Variants in PTPRN2 observed in about 807,000 individuals in gnomAD.
PTPRN2 encodes the protein protein tyrosine phosphatase receptor type N2.
PTPRN2 carries 74 observed loss-of-function variants against 118.8 expected under a neutral mutation model. The observed-to-expected ratio is 0.62, with a 90% CI of 0.52 to 0.76. PTPRN2 has a LOEUF of 0.76. Ranked by LOEUF, PTPRN2 falls within the 30% of genes least tolerant of loss-of-function variation. The probability of loss-of-function intolerance (pLI) is 0.00; values close to 1 mark genes in which losing one functional copy is unlikely to be tolerated. For missense variants in PTPRN2, 1,481 were observed against 1,394.4 expected (o/e 1.06, Z -0.99); for synonymous variants, 641 against 608.0 (o/e 1.05, Z -0.80).
intron 12 of PTPRN2, among the ~76,000 whole-genome samples, chr7:157,711,928 C>A (rs1400837729): frequency 1.2e-5 from 1 of 84,570 alleles, no homozygotes; most frequent in Non-Finnish European, 2.8e-5. Flanking sequence ...CCATGCAGGC[C>A]ACATGAGTGG....
intron 12 of PTPRN2, among the ~76,000 whole-genome samples, chr7:157,688,533 C>A (rs1366843509): frequency 1.3e-5 from 2 of 152,246 alleles, no homozygotes; most frequent in African/African-American, 2.4e-5. Context: ...ACTTAAGGCA[C>A]CGGCTCCTGA....
At chr7:158,366,481 G>A (rs901403475) in intron 2 of PTPRN2, among the ~76,000 whole-genome samples, 3 of 152,194 alleles carry the variant, frequency 2.0e-5, no homozygotes, top group Non-Finnish European at 4.4e-5. Context: ...CCTGGGAGAA[G>A]CTGCAGCACA....
intron 11 of PTPRN2, among the ~76,000 whole-genome samples, chr7:157,928,178 C>A (rs1246341840): frequency 6.6e-6 from 1 of 152,218 alleles, no homozygotes; most frequent in Non-Finnish European, 1.5e-5. Context: ...GAGGCCCACC[C>A]AAGACCGTAA....
chr7:158,334,616 G>T (rs1173958540), intron 2 of PTPRN2, among the ~76,000 whole-genome samples: 5 of 82,266 alleles, frequency 6.1e-5, no homozygotes, highest in African/African-American at 2.6e-4. Context: ...AAGAGCCGAC[G>T]CCCGCAGACG....
At chr7:158,573,467 G>A (rs139853524) in intron 1 of PTPRN2, among the ~76,000 whole-genome samples, 16 of 152,214 alleles carry the variant, frequency 1.1e-4, no homozygotes, top group East Asian at 1.9e-4. Context: ...AGCTAGAAGC[G>A]GTCTGGAGGA....
intron 11 of PTPRN2, among the ~76,000 whole-genome samples, chr7:158,007,965 G>T (rs1805761918): frequency 6.7e-6 from 1 of 149,868 alleles, no homozygotes; most frequent in Non-Finnish European, 1.5e-5. Context: ...TGGGTGTGTA[G>T]GTGGGTGTGC....
intron 2 of PTPRN2, among the ~76,000 whole-genome samples, chr7:158,365,034 A>C (rs943979328): frequency 6.6e-6 from 1 of 152,234 alleles, no homozygotes; most frequent in Middle Eastern, 3.4e-3. Context: ...TCATACAGAC[A>C]CACACGTTCT....
At chr7:158,304,893 G>T (rs1801169526) in intron 3 of PTPRN2, among the ~76,000 whole-genome samples, 1 of 152,196 alleles carries the variant, frequency 6.6e-6, no homozygotes, top group Non-Finnish European at 1.5e-5. Flanking sequence ...AAGGAAAAGG[G>T]ATTCTCTACA....
In PTPRN2 at chr7:158,057,872, C is replaced by A. The variant is rs79855297; in HGVS notation, c.1723+23426G>T. On this transcript the variant is annotated intron_variant, in intron 11 of 22. Transcript: ENST00000389418. ...CAAAAGCTTCCCAAGGAACACGGGCCGTGAAGGAGTTAAAGTCCTCAGGTC... is the reference window on the plus strand; with the variant it reads ...CAAAAGCTTCCCAAGGAACACGGGCAGTGAAGGAGTTAAAGTCCTCAGGTC... Among the ~76,000 whole-genome samples the A allele has an allele frequency of 3.7e-3, 557 of 152,280 alleles. 20 individuals are homozygous for A. In the South Asian group the frequency reaches 0.076, roughly 21 times the overall value.
rs531873755 is a variant in PTPRN2, at chr7:157,621,841, C to T, written c.2197-332G>A. ...TCAGACCAAGCTCTCGGTGGGGCTG[C>T]TCCGCGTGCCCATTTCTGCTTGCAT... On this transcript the variant is annotated intron_variant, in intron 14 of 22. Coordinates refer to ENST00000389418, the MANE Select transcript of PTPRN2 (RefSeq NM_002847.5). Among the ~76,000 whole-genome samples, 114 of 151,120 alleles carry T rather than the reference C, an allele frequency of 7.5e-4. 1 individual carries two copies. Among genetic ancestry groups the T allele is most frequent in the African/African-American group, 2.6e-3 (106 of 41,068 alleles).
intron 12 of PTPRN2, among the ~76,000 whole-genome samples, chr7:157,767,046 A>C (rs555581748): frequency 4.9e-4 from 74 of 152,132 alleles, no homozygotes; most frequent in Non-Finnish European, 9.3e-4. Flanking sequence ...TAGTCACTCC[A>C]GGGGCTGCCA....
chr7:157,652,050 C>T (rs1805698802), intron 14 of PTPRN2, among the ~76,000 whole-genome samples: 2 of 152,208 alleles, frequency 1.3e-5, no homozygotes, highest in South Asian at 4.1e-4. Context: ...CTGGGTTTTC[C>T]CTGCAAATAA....
intron 6 of PTPRN2, among the ~76,000 whole-genome samples, chr7:158,149,974 A>G (rs1024877571): frequency 6.6e-6 from 1 of 152,342 alleles, no homozygotes; most frequent in Non-Finnish European, 1.5e-5. Flanking sequence ...TAAGCAACAC[A>G]ATTCTTTGCT....
At chr7:158,333,746 A>C (rs1804981330) in intron 2 of PTPRN2, among the ~76,000 whole-genome samples, 1 of 147,168 alleles carries the variant, frequency 6.8e-6, no homozygotes, top group African/African-American at 2.6e-5. Context: ...ACATACTCTC[A>C]CCATAAGAGC....
At chr7:157,744,764 G>A (rs1800822813) in intron 12 of PTPRN2, among the ~76,000 whole-genome samples, 1 of 152,184 alleles carries the variant, frequency 6.6e-6, no homozygotes. Flanking sequence ...GAGTGAGGTG[G>A]AGGGGAAGCC....
intron 12 of PTPRN2, among the ~76,000 whole-genome samples, chr7:157,839,491 G>C (rs781340404): frequency 6.6e-6 from 1 of 151,720 alleles, no homozygotes; most frequent in Non-Finnish European, 1.5e-5. Flanking sequence ...GAATGTGCAT[G>C]TGTGGCTGTG....
At chr7:157,905,371 G>C (rs1166170815) in intron 11 of PTPRN2, among the ~76,000 whole-genome samples, 1 of 152,210 alleles carries the variant, frequency 6.6e-6, no homozygotes, top group Non-Finnish European at 1.5e-5. Context: ...AAGTCTGTCA[G>C]GCCAGGGCGT....
intron 2 of PTPRN2, among the ~76,000 whole-genome samples, chr7:158,329,671 G>A (rs1173612490): frequency 1.3e-5 from 2 of 152,200 alleles, no homozygotes; most frequent in Non-Finnish European, 2.9e-5. Flanking sequence ...GGTACTTTGA[G>A]CAGCCTTCAT....
chr7:157,552,051 C>A (rs1171409280), intron 21 of PTPRN2, among the ~76,000 whole-genome samples: 1 of 151,056 alleles, frequency 6.6e-6, no homozygotes, highest in Non-Finnish European at 1.5e-5. Context: ...ACCCCATGAC[C>A]ACCACACACT....
Sources: gnomAD v4.1 joint callset for allele counts (sites outside exome capture counted in the v4.1 genomes callset) on GRCh38, gnomAD v4.1.1 for gene constraint, MANE v1.5 for transcripts, NCBI Gene and HGNC (gene_info 2026-07-23, HGNC 2026-07-21) for gene names.